The following PDE1A variants were observed in gnomAD, a reference collection of about 807,000 sequenced individuals.
The protein encoded by PDE1A is phosphodiesterase 1A.
Under a neutral mutation model 61.7 loss-of-function variants are expected in PDE1A, and 35 were observed. The ratio of observed to expected loss-of-function variants is 0.57; its 90% confidence interval spans 0.43 to 0.75. The LOEUF (loss-of-function observed/expected upper bound fraction) is 0.75, where lower values mean the gene tolerates loss of function less well. Among genes scored for constraint, PDE1A ranks in the 30% least tolerant of loss-of-function variants. The probability of loss-of-function intolerance (pLI) is 0.00; values close to 1 mark genes in which losing one functional copy is unlikely to be tolerated. For missense variants in PDE1A, 597 were observed against 630.6 expected (o/e 0.95, Z 0.57); for synonymous variants, 232 against 213.2 (o/e 1.09, Z -0.77).
intron 2 of PDE1A, among the ~76,000 whole-genome samples, chr2:182,462,221 G>T (rs900331128): frequency 5.3e-5 from 8 of 151,864 alleles, no homozygotes; most frequent in Non-Finnish European, 1.0e-4. Flanking sequence ...GAGTTAATGG[G>T]TGCAGCACAC....
chr2:182,221,445 G>A lies in PDE1A; in HGVS notation c.776+2419C>T, dbSNP rs533299491. 5.3e-5 allele frequency among the ~76,000 whole-genome samples: 8 copies of A among 152,210 alleles called. No homozygotes were observed. The South Asian group carries it at 1.7e-3, about 31-fold the overall frequency. ...TTTGTTAAGCAAAATGATCTGCATA[G>A]TCTTGTTTTCCTTTGACATTAAATA... is the stretch of plus-strand genomic sequence containing the variant. On this transcript the variant is annotated intron_variant, in intron 7 of 13. Coordinates refer to ENST00000351439, the Ensembl canonical transcript of PDE1A.
At chr2:182,684,557 A>AT in the PDE1A span, among the ~76,000 whole-genome samples, 362 of 148,814 alleles carry the variant, frequency 2.4e-3, 1 homozygote, top group African/African-American at 7.9e-3. Context: ...AAAACATATA[A>AT]TTTTTTTTTT....
At chr2:182,161,220 T>G (rs1691359531) in intron 13 of PDE1A, among the ~76,000 whole-genome samples, 1 of 152,162 alleles carries the variant, frequency 6.6e-6, no homozygotes, top group Non-Finnish European at 1.5e-5. Flanking sequence ...GAATCTCCTC[T>G]TCTTTAGCCA....
chr2:182,617,859 T>C, the PDE1A span, among the ~76,000 whole-genome samples: 14 of 152,208 alleles, frequency 9.2e-5, no homozygotes, highest in Non-Finnish European at 1.3e-4. Context: ...CCATCTGGAT[T>C]ACATGTTAGC....
chr2:182,386,199 C>G (rs892342746), intron 1 of PDE1A, among the ~76,000 whole-genome samples: 5 of 152,154 alleles, frequency 3.3e-5, no homozygotes, highest in Admixed American at 6.5e-5. Context: ...TAGCTACAAC[C>G]TCCACCTCCC....
the PDE1A span, among the ~76,000 whole-genome samples, chr2:182,534,660 G>A: frequency 4.0e-5 from 6 of 150,696 alleles, no homozygotes; most frequent in Admixed American, 3.3e-4. Context: ...TTATTAATTT[G>A]TAAAGATTAT....
At chr2:182,672,764 C>T in the PDE1A span, among the ~76,000 whole-genome samples, 5 of 152,308 alleles carry the variant, frequency 3.3e-5, no homozygotes, top group South Asian at 2.1e-4. Flanking sequence ...ATGCCTGCCA[C>T]GTCCTTCTGT....
chr2:182,220,412 C>T (rs1688620739), intron 7 of PDE1A, among the ~76,000 whole-genome samples: 2 of 152,086 alleles, frequency 1.3e-5, no homozygotes, highest in Admixed American at 1.3e-4. Flanking sequence ...TGGCTCCAAG[C>T]ATCACCATCT....
At position 182,503,857 on chromosome 2, in the gene PDE1A, C is replaced by A. The variant is rs1689241640; in HGVS notation, c.101+18419G>T. On this transcript the variant is annotated intron_variant, in intron 2 of 14. Transcript: ENST00000410103. ...GTATCTGGACTGTTTATTGTTATAT[C>A]CCTGGTTCCTAGAGTAATGCTGGAA... 2.0e-5 allele frequency among the ~76,000 whole-genome samples: 3 copies of A among 152,216 alleles called. No individual in the cohort carries two copies. In the South Asian group the frequency reaches 6.2e-4, roughly 32 times the overall value.
chr2:182,561,686 G>A, the PDE1A span, among the ~76,000 whole-genome samples: 1 of 152,106 alleles, frequency 6.6e-6, no homozygotes, highest in Non-Finnish European at 1.5e-5. Context: ...TCCTACCCAT[G>A]AGCATGGAAT....
intron 1 of PDE1A, among the ~76,000 whole-genome samples, chr2:182,405,073 T>A (rs915099894): frequency 6.6e-6 from 1 of 152,352 alleles, no homozygotes; most frequent in East Asian, 1.9e-4. Flanking sequence ...TAATGCATTG[T>A]GCTATCACAT....
intron 1 of PDE1A, among the ~76,000 whole-genome samples, chr2:182,308,215 T>G (rs1450567503): frequency 6.6e-6 from 1 of 152,068 alleles, no homozygotes; most frequent in Non-Finnish European, 1.5e-5. Flanking sequence ...ATACCACACA[T>G]AACATATATA....
intron 4 of PDE1A, 29 bp downstream of exon 4, chr2:182,234,403 T>G: frequency 6.6e-7 from 1 of 1,519,558 alleles, no homozygotes. Flanking sequence ...ATGACCATTT[T>G]ATACACGAAA....
At chr2:182,158,851 A>C (rs759094566) in intron 13 of PDE1A, among the ~76,000 whole-genome samples, 5 of 152,110 alleles carry the variant, frequency 3.3e-5, no homozygotes, top group African/African-American at 7.2e-5. Context: ...TTTCCTTTTC[A>C]CTTTGCATAA....
At chr2:182,290,101 T>A (rs1216450035) in intron 1 of PDE1A, among the ~76,000 whole-genome samples, 2 of 152,094 alleles carry the variant, frequency 1.3e-5, no homozygotes, top group African/African-American at 4.8e-5. Flanking sequence ...AATTAAAAAA[T>A]TAAAAAGTCT....
the PDE1A span, among the ~76,000 whole-genome samples, chr2:182,576,074 C>CT: frequency 6.6e-6 from 1 of 151,348 alleles, no homozygotes; most frequent in Non-Finnish European, 1.5e-5. Flanking sequence ...ATATAACAAA[C>CT]TTTTTTATCT....
chr2:182,206,298 T>C (rs1241786398), intron 7 of PDE1A, among the ~76,000 whole-genome samples: 1 of 152,206 alleles, frequency 6.6e-6, no homozygotes, highest in Non-Finnish European at 1.5e-5. Flanking sequence ...TGGTACAAAA[T>C]TTCCCATGTA....
At chr2:182,337,498 G>A (rs1366134780) in intron 1 of PDE1A, among the ~76,000 whole-genome samples, 1 of 152,084 alleles carries the variant, frequency 6.6e-6, no homozygotes, top group African/African-American at 2.4e-5. Flanking sequence ...TAAATAACAT[G>A]TCATTTCATC....
In PDE1A at chr2:182,169,786, C is replaced by T. The variant is rs16822777; in HGVS notation, c.1517-1496G>A. ...CCTAGTCCTGCCCCTCTTGGGAAAA[C>T]ATTTTATCATCACCAAGCCAGCTAA... On this transcript the variant is annotated intron_variant, in intron 13 of 13. Transcript: ENST00000351439. Among the ~76,000 whole-genome samples the T allele has an allele frequency of 8.6e-3, 1,306 of 151,968 alleles. 10 individuals are homozygous for T. The highest frequency in any genetic ancestry group is 0.011 in the Non-Finnish European group (743 of 67,904).
Sources: allele counts gnomAD v4.1 joint callset (sites outside exome capture counted in the v4.1 genomes callset), GRCh38; gene constraint gnomAD v4.1.1; transcripts MANE v1.5; gene names NCBI Gene and HGNC (gene_info 2026-07-23, HGNC 2026-07-21).